CDH13: variants seen among roughly 807,000 people sequenced by gnomAD.
CDH13 encodes cadherin-13.
Under a neutral mutation model 63.8 loss-of-function variants are expected in CDH13, and 24 were observed. That is an observed-to-expected ratio of 0.38 (90% CI 0.27 to 0.53). The LOEUF (loss-of-function observed/expected upper bound fraction) is 0.53, where lower values mean the gene tolerates loss of function less well. CDH13 is among the 20% of genes least tolerant of loss of function. The pLI is 0.85. For missense variants in CDH13, 1,049 were observed against 903.1 expected (o/e 1.16, Z -2.07); for synonymous variants, 503 against 355.3 (o/e 1.42, Z -4.67).
chr16:82,788,134 C>G (rs959695385), intron 1 of CDH13, among the ~76,000 whole-genome samples: 1 of 152,008 alleles, frequency 6.6e-6, no homozygotes, highest in African/African-American at 2.4e-5. Context: ...GTCCAAGAAA[C>G]TAGTAGGAAT....
intron 5 of CDH13, among the ~76,000 whole-genome samples, chr16:83,341,138 T>A (rs1005432321): frequency 6.6e-6 from 1 of 152,214 alleles, no homozygotes. Context: ...GCATATGAGG[T>A]TGTTTTGTTT....
At chr16:83,179,502 A>AAAAAAAAG (rs10528855) in intron 4 of CDH13, among the ~76,000 whole-genome samples, 19 of 149,078 alleles carry the variant, frequency 1.3e-4, no homozygotes, top group Admixed American at 6.7e-5. Flanking sequence ...AAAAAAAAAA[A>AAAAAAAAG]TTAGCCGGGC....
chr16:83,657,017 G>C (rs1021636112), intron 8 of CDH13, among the ~76,000 whole-genome samples: 1 of 152,124 alleles, frequency 6.6e-6, no homozygotes, highest in African/African-American at 2.4e-5. Flanking sequence ...TTGCACTTCA[G>C]GTACAGTAAA....
At chr16:83,394,955 C>G (rs531990530) in intron 6 of CDH13, among the ~76,000 whole-genome samples, 1 of 152,156 alleles carries the variant, frequency 6.6e-6, no homozygotes, top group African/African-American at 2.4e-5. Flanking sequence ...TGAAACCAGC[C>G]TGGCCAACAT....
At chr16:83,227,470 A>C (rs941596116) in intron 5 of CDH13, among the ~76,000 whole-genome samples, 13 of 152,100 alleles carry the variant, frequency 8.5e-5, no homozygotes, top group African/African-American at 2.7e-4. Context: ...GCAGGTTGGA[A>C]GCTGGTGGTG....
intron 7 of CDH13, among the ~76,000 whole-genome samples, chr16:83,568,770 T>TC (rs1445528656): frequency 6.6e-6 from 1 of 152,158 alleles, no homozygotes; most frequent in Non-Finnish European, 1.5e-5. Context: ...CTTTCCTCCC[T>TC]CAGTCCCAGT....
chr16:83,198,270 C>T (rs2038932164), intron 4 of CDH13, among the ~76,000 whole-genome samples: 1 of 151,894 alleles, frequency 6.6e-6, no homozygotes, highest in Non-Finnish European at 1.5e-5. Context: ...ATAGTCTCCT[C>T]ATGATTTCTT....
intron 1 of CDH13, among the ~76,000 whole-genome samples, chr16:82,704,501 A>T (rs2031318595): frequency 6.6e-6 from 1 of 152,176 alleles, no homozygotes. Flanking sequence ...TTACTCCTCC[A>T]CATCTCAAGA....
intron 2 of CDH13, among the ~76,000 whole-genome samples, chr16:82,980,781 G>A (rs1910156177): frequency 6.6e-6 from 1 of 152,062 alleles, no homozygotes; most frequent in South Asian, 2.1e-4. Flanking sequence ...GTCTTCTCTG[G>A]TCCTCATTTT....
chr16:83,261,624 C>G (rs771752802), intron 5 of CDH13, among the ~76,000 whole-genome samples: 5 of 152,030 alleles, frequency 3.3e-5, no homozygotes, highest in African/African-American at 1.2e-4. Context: ...AAGAAATTAT[C>G]CAGTACAAAT....
chr16:82,722,376 A>T (rs1428331181), intron 1 of CDH13, among the ~76,000 whole-genome samples: 2 of 152,074 alleles, frequency 1.3e-5, no homozygotes, highest in Non-Finnish European at 2.9e-5. Context: ...CTATTGGCAG[A>T]CTCAGATCTG....
intron 6 of CDH13, among the ~76,000 whole-genome samples, chr16:83,406,082 A>C (rs984675887): frequency 8.5e-5 from 13 of 152,120 alleles, no homozygotes; most frequent in African/African-American, 3.1e-4. Flanking sequence ...AGTAGCCCCA[A>C]ATCAAGGAAG....
intron 2 of CDH13, among the ~76,000 whole-genome samples, chr16:82,970,086 T>G (rs1908483212): frequency 6.6e-6 from 1 of 152,126 alleles, no homozygotes; most frequent in African/African-American, 2.4e-5. Flanking sequence ...ATCCCTCCCC[T>G]AGACCCCTAC....
At chr16:82,890,549 T>C (rs763930177) in intron 2 of CDH13, among the ~76,000 whole-genome samples, 13 of 152,160 alleles carry the variant, frequency 8.5e-5, no homozygotes, top group Admixed American at 8.5e-4. Context: ...GTAAATTAAA[T>C]GGCAGTCTTA....
At chr16:83,032,577 G>A (rs1265878287) in intron 3 of CDH13, among the ~76,000 whole-genome samples, 1 of 152,076 alleles carries the variant, frequency 6.6e-6, no homozygotes, top group Admixed American at 6.6e-5. Context: ...CTCCCAAGGT[G>A]GAGGTCTCAG....
intron 11 of CDH13, among the ~76,000 whole-genome samples, chr16:83,764,008 G>A (rs991494110): frequency 2.2e-4 from 33 of 152,164 alleles, no homozygotes; most frequent in African/African-American, 8.0e-4. Flanking sequence ...TTCCCCACCT[G>A]CAGAATGAAG....
chr16:82,858,589 T>A, intron 2 of CDH13, 116 bp downstream of exon 2: 1 of 792,258 alleles, frequency 1.3e-6, no homozygotes, highest in Non-Finnish European at 2.2e-6. Flanking sequence ...CTGATTATTT[T>A]TCTTATGTCA....
At chr16:82,831,941 A>C (rs1289084584) in intron 1 of CDH13, among the ~76,000 whole-genome samples, 1 of 152,238 alleles carries the variant, frequency 6.6e-6, no homozygotes, top group Non-Finnish European at 1.5e-5. Flanking sequence ...TGACCTTTTG[A>C]AAGAATAAAA....
chr16:83,305,045 T>A (rs1350351909), intron 5 of CDH13, among the ~76,000 whole-genome samples: 2 of 152,238 alleles, frequency 1.3e-5, no homozygotes, highest in Non-Finnish European at 2.9e-5. Context: ...CTTTGCCACC[T>A]AAAACAGAAT....
Sources: allele counts gnomAD v4.1 joint callset (sites outside exome capture counted in the v4.1 genomes callset), GRCh38; gene constraint gnomAD v4.1.1; transcripts MANE v1.5; gene names NCBI Gene and HGNC (gene_info 2026-07-23, HGNC 2026-07-21).